The following CLVS1 variants were observed in gnomAD, a reference collection of about 807,000 sequenced individuals.
CLVS1 encodes clavesin-1.
CLVS1 carries 10 observed loss-of-function variants against 33.1 expected under a neutral mutation model. The ratio of observed to expected loss-of-function variants is 0.30; its 90% CI spans 0.19 to 0.51. CLVS1 has a LOEUF of 0.51. CLVS1 is among the 20% of genes least tolerant of loss of function. CLVS1 has a pLI of 0.97. For missense variants in CLVS1, 343 were observed against 433.4 expected (o/e 0.79, Z 1.85); for synonymous variants, 163 against 166.1 (o/e 0.98, Z 0.14).
intron 2 of CLVS1, among the ~76,000 whole-genome samples, chr8:61,222,253 A>C (rs570184757): frequency 4.0e-5 from 6 of 149,746 alleles, no homozygotes; most frequent in African/African-American, 1.2e-4. Flanking sequence ...TTGCCTCTCT[A>C]GTTTTTTTAA....
At chr8:61,208,588 A>ATT (rs1027244251) in intron 2 of CLVS1, among the ~76,000 whole-genome samples, 2 of 149,922 alleles carry the variant, frequency 1.3e-5, no homozygotes, top group African/African-American at 4.9e-5. Flanking sequence ...ACTGCACCCC[A>ATT]TTTTTTTTTC....
rs531602082 is a variant in CLVS1 at position 61,220,299 on chromosome 8, A to T, written c.-151-79378A>T. 3.3e-5 allele frequency among the ~76,000 whole-genome samples: 5 copies of T among 149,706 alleles called. No homozygotes were observed. The South Asian group carries it at 1.1e-3, about 32-fold the overall frequency. ...GGATTTTTATGGCTTTGAGTTTTAC[A>T]TTTAAGTTTTTAATCCATCTTGAGT... On this transcript the variant is annotated intron_variant, in intron 2 of 2. Transcript: ENST00000522621.
At chr8:61,068,197 A>ATGTG (rs199887531) in intron 1 of CLVS1, among the ~76,000 whole-genome samples, 1 of 120,682 alleles carries the variant, frequency 8.3e-6, no homozygotes, top group Non-Finnish European at 1.6e-5. Context: ...ATATGTGTAT[A>ATGTG]TGTATATATA....
chr8:61,185,208 G>A (rs993458073), intron 2 of CLVS1, among the ~76,000 whole-genome samples: 19 of 151,058 alleles, frequency 1.3e-4, no homozygotes, highest in African/African-American at 2.4e-4. Flanking sequence ...CAGTGGCAGC[G>A]TTACGCTGTC....
intron 3 of CLVS1, among the ~76,000 whole-genome samples, chr8:61,404,662 T>C (rs185584085): frequency 9.5e-4 from 145 of 152,270 alleles, no homozygotes; most frequent in Non-Finnish European, 1.4e-3. Context: ...ACCAGGTTTT[T>C]AGGAATAAAT....
In CLVS1 at chr8:61,299,920, T is replaced by C. The variant is rs1810369279; in HGVS notation, c.93T>C (p.Ser31=). ...TGACCCATTTACAGGCTGGACTCAG[T>C]CCAGAGACTATAGAGAAAGCTCGCC... ...AKMTHLQAGL[S]PETIEKARLE... The change falls in exon 2 of 6, where the codon AGT becomes AGC. Residue 31 remains serine, a synonymous_variant. Coordinates refer to ENST00000325897, the MANE Select transcript of CLVS1 (RefSeq NM_173519.3). The C allele has an allele frequency of 6.2e-7, 1 of 1,613,958 alleles. No homozygotes were observed.
intron 5 of CLVS1, among the ~76,000 whole-genome samples, chr8:61,478,611 T>A (rs1050059316): frequency 2.0e-5 from 3 of 152,210 alleles, no homozygotes; most frequent in African/African-American, 7.2e-5. Flanking sequence ...TGGTTTAAAG[T>A]CTGTTTTATC....
At chr8:61,262,392 G>C (rs756124786) in intron 2 of CLVS1, among the ~76,000 whole-genome samples, 7 of 152,024 alleles carry the variant, frequency 4.6e-5, no homozygotes, top group Non-Finnish European at 1.0e-4. Flanking sequence ...CAAACGTATA[G>C]TCCTTCCAGG....
the CLVS1 span, among the ~76,000 whole-genome samples, chr8:61,002,473 T>C: frequency 6.6e-6 from 1 of 151,750 alleles, no homozygotes. Flanking sequence ...GGATTACAGG[T>C]GCCTGCCACC....
chr8:61,396,001 G>C (rs1203340428), intron 3 of CLVS1, among the ~76,000 whole-genome samples: 1 of 152,094 alleles, frequency 6.6e-6, no homozygotes, highest in African/African-American at 2.4e-5. Flanking sequence ...GGTATTGATA[G>C]GTTCCACCAT....
chr8:61,214,199 G>A (rs773838745), intron 2 of CLVS1, among the ~76,000 whole-genome samples: 1 of 152,132 alleles, frequency 6.6e-6, no homozygotes, highest in Non-Finnish European at 1.5e-5. Flanking sequence ...CGGTCCTGTG[G>A]TCCTGTGATC....
chr8:61,234,165 G>T (rs984226730), intron 2 of CLVS1, among the ~76,000 whole-genome samples: 2 of 152,166 alleles, frequency 1.3e-5, no homozygotes, highest in Admixed American at 6.5e-5. Context: ...CCGGCGTTAG[G>T]GGGTACCAGC....
At chr8:61,390,971 C>T (rs1289227283) in intron 3 of CLVS1, 2 of 106,382 alleles carry the variant, frequency 1.9e-5, no homozygotes, top group African/African-American at 3.0e-5. Flanking sequence ...TTCTTCTAGA[C>T]TTAGATTTTT....
At chr8:61,152,944 C>A (rs555088054) in intron 2 of CLVS1, among the ~76,000 whole-genome samples, 1 of 151,934 alleles carries the variant, frequency 6.6e-6, no homozygotes, top group African/African-American at 2.4e-5. Flanking sequence ...AGAAGGTGGG[C>A]GGATAACCTG....
intron 3 of CLVS1, among the ~76,000 whole-genome samples, chr8:61,405,349 T>A (rs894825917): frequency 6.6e-6 from 1 of 152,176 alleles, no homozygotes; most frequent in South Asian, 2.1e-4. Context: ...TGTTTAAGTG[T>A]AAAAAGCAGC....
intron 2 of CLVS1, among the ~76,000 whole-genome samples, chr8:61,199,843 C>T (rs1046294564): frequency 7.9e-5 from 12 of 152,280 alleles, no homozygotes; most frequent in Admixed American, 2.0e-4. Flanking sequence ...GCTAAGTCTT[C>T]CCCCTCATAT....
chr8:61,240,717 T>C (rs999058912), intron 2 of CLVS1, among the ~76,000 whole-genome samples: 4 of 152,040 alleles, frequency 2.6e-5, no homozygotes, highest in African/African-American at 9.7e-5. Context: ...TATCTGCAAA[T>C]ACTAACACTT....
chr8:61,190,435 T>C lies in CLVS1; in HGVS notation c.-152+58575T>C, dbSNP rs567322676. Among the ~76,000 whole-genome samples the C allele has an allele frequency of 2.0e-3, 298 of 152,212 alleles. 2 individuals carry two copies. The highest frequency in any genetic ancestry group is 6.8e-3 in the African/African-American group (284 of 41,522). The stretch of plus-strand genomic sequence containing the variant: ...AAGAGAAAGCACAAAAGATCTAAAA[T>C]TGACACCCTAACATCACAATTGAAA... On this transcript the variant is annotated intron_variant, in intron 2 of 2. Transcript: ENST00000522621.
intron 2 of CLVS1, among the ~76,000 whole-genome samples, chr8:61,356,105 T>A (rs1029281280): frequency 6.6e-5 from 10 of 151,972 alleles, no homozygotes; most frequent in Non-Finnish European, 1.5e-4. Flanking sequence ...CGATTGCCAT[T>A]CTAACTGGTG....
Sources: gnomAD v4.1 joint callset for allele counts (sites outside exome capture counted in the v4.1 genomes callset) on GRCh38, gnomAD v4.1.1 for gene constraint, MANE v1.5 for transcripts, NCBI Gene and HGNC (gene_info 2026-07-23, HGNC 2026-07-21) for gene names.